BICC1: variants seen among roughly 807,000 people sequenced by gnomAD.
BICC1 encodes protein bicaudal C homolog 1.
A neutral mutation model predicts 111.0 loss-of-function variants in BICC1; 43 were observed. The observed-to-expected ratio is 0.39, with a 90% CI of 0.30 to 0.50. The LOEUF is 0.50. Among genes scored for constraint, BICC1 ranks in the 20% least tolerant of loss-of-function variants. The pLI is 0.88. For synonymous variants in BICC1, 467 were observed against 434.4 expected (o/e 1.07, Z -0.93); for missense variants, 1,091 against 1,203.2 (o/e 0.91, Z 1.38).
intron 2 of BICC1, among the ~76,000 whole-genome samples, chr10:58,700,628 T>C (rs919576741): frequency 3.3e-5 from 5 of 152,078 alleles, no homozygotes; most frequent in Non-Finnish European, 5.9e-5. Flanking sequence ...GAGACATAAG[T>C]GTAGAGAAAT....
intron 3 of BICC1, among the ~76,000 whole-genome samples, chr10:58,725,346 A>G (rs946440762): frequency 1.3e-5 from 2 of 152,012 alleles, no homozygotes; most frequent in Middle Eastern, 3.2e-3. Flanking sequence ...ACAATTCCCA[A>G]CTGCAGACTC....
chr10:58,675,204 A>G (rs1468587814), intron 2 of BICC1, among the ~76,000 whole-genome samples: 2 of 152,170 alleles, frequency 1.3e-5, no homozygotes, highest in African/African-American at 4.8e-5. Flanking sequence ...TTGAACACAG[A>G]TATCTGAGGA....
intron 1 of BICC1, among the ~76,000 whole-genome samples, chr10:58,615,733 T>C (rs1845581270): frequency 6.6e-6 from 1 of 152,064 alleles, no homozygotes; most frequent in Admixed American, 6.5e-5. Flanking sequence ...GAGCCTTCGG[T>C]CCCCACTGAT....
intron 1 of BICC1, among the ~76,000 whole-genome samples, chr10:58,607,014 T>C (rs190361787): frequency 1.3e-5 from 2 of 152,324 alleles, no homozygotes; most frequent in Non-Finnish European, 2.9e-5. Context: ...GTTCTCTAAA[T>C]GTTTCTCTTT....
At chr10:58,608,179 G>T (rs777954197) in intron 1 of BICC1, among the ~76,000 whole-genome samples, 1 of 151,782 alleles carries the variant, frequency 6.6e-6, no homozygotes, top group African/African-American at 2.4e-5. Context: ...TTTTCCTCCC[G>T]CATTCTATAA....
intron 1 of BICC1, among the ~76,000 whole-genome samples, chr10:58,617,623 T>C (rs1233270549): frequency 6.6e-6 from 1 of 152,252 alleles, no homozygotes; most frequent in East Asian, 1.9e-4. Context: ...ACAAAGTAGC[T>C]AATGGGCTGA....
chr10:58,516,811 A>G (rs1842254034), intron 1 of BICC1, among the ~76,000 whole-genome samples: 1 of 152,172 alleles, frequency 6.6e-6, no homozygotes, highest in African/African-American at 2.4e-5. Flanking sequence ...AATTAACTCA[A>G]AGTTATAAGT....
intron 1 of BICC1, among the ~76,000 whole-genome samples, chr10:58,545,844 C>T (rs1306565536): frequency 6.6e-6 from 1 of 152,062 alleles, no homozygotes; most frequent in Non-Finnish European, 1.5e-5. Flanking sequence ...CCTGAACAAC[C>T]CAAACTCCTG....
At chr10:58,785,321 C>T (rs1337635435) in intron 4 of BICC1, among the ~76,000 whole-genome samples, 1 of 152,088 alleles carries the variant, frequency 6.6e-6, no homozygotes, top group Non-Finnish European at 1.5e-5. Context: ...CCTACATCTA[C>T]ATACATATAT....
At chr10:58,728,902 T>G (rs1841199319) in intron 3 of BICC1, among the ~76,000 whole-genome samples, 1 of 152,178 alleles carries the variant, frequency 6.6e-6, no homozygotes, top group African/African-American at 2.4e-5. Flanking sequence ...AATCTTTTTT[T>G]TCTGAGCAGT....
chr10:58,675,222 G>C (rs1397805663), intron 2 of BICC1, among the ~76,000 whole-genome samples: 3 of 152,138 alleles, frequency 2.0e-5, no homozygotes, highest in Non-Finnish European at 4.4e-5. Context: ...GGAGAGCATG[G>C]AAATCAAAAG....
chr10:58,812,598 C>A (rs1261558130), intron 17 of BICC1, among the ~76,000 whole-genome samples: 1 of 151,878 alleles, frequency 6.6e-6, no homozygotes, highest in African/African-American at 2.4e-5. Context: ...CTGCCTCAGC[C>A]TCCTAAGTAG....
chr10:58,785,434 T>C (rs1016351549), intron 4 of BICC1, among the ~76,000 whole-genome samples: 7 of 152,092 alleles, frequency 4.6e-5, no homozygotes, highest in African/African-American at 1.4e-4. Flanking sequence ...ATAAGGATTG[T>C]AGGAATTAGA....
Position 58,800,335 on chromosome 10 carries a change from C to G in BICC1, c.1858+9C>G, listed in dbSNP as rs1364274791. Reference sequence around the variant, plus strand: ...ATCAAGCCCCACTGAAGGTCGGGAACTGTACCCTTCTGAAATTCATTTTGG... The same window carrying G: ...ATCAAGCCCCACTGAAGGTCGGGAAGTGTACCCTTCTGAAATTCATTTTGG... On this transcript the variant is annotated intron_variant, in intron 13 of 20. Coordinates refer to ENST00000373886, the MANE Select transcript of BICC1 (RefSeq NM_001080512.3). 4 of 1,610,524 alleles carry G rather than the reference C, an allele frequency of 2.5e-6. No individual in the cohort carries two copies. The highest frequency in any genetic ancestry group is 3.4e-6 in the Non-Finnish European group (4 of 1,178,420).
intron 1 of BICC1, among the ~76,000 whole-genome samples, chr10:58,582,089 C>T (rs1424206225): frequency 1.3e-5 from 2 of 152,168 alleles, no homozygotes; most frequent in South Asian, 2.1e-4. Context: ...GAAGATTGCT[C>T]CTTCTTAGTA....
chr10:58,724,548 C>A (rs1035370205), intron 3 of BICC1, among the ~76,000 whole-genome samples: 1 of 152,178 alleles, frequency 6.6e-6, no homozygotes, highest in Non-Finnish European at 1.5e-5. Flanking sequence ...AAAGTTGTGA[C>A]CTGTGCCATC....
intron 1 of BICC1, among the ~76,000 whole-genome samples, chr10:58,601,829 T>C (rs1010932411): frequency 5.9e-5 from 9 of 152,212 alleles, no homozygotes; most frequent in African/African-American, 2.2e-4. Flanking sequence ...TAAAAAAGGA[T>C]GGATTCAAGG....
At chr10:58,804,893 C>G (rs1330450171) in intron 15 of BICC1, among the ~76,000 whole-genome samples, 1 of 152,190 alleles carries the variant, frequency 6.6e-6, no homozygotes, top group Non-Finnish European at 1.5e-5. Flanking sequence ...TGAAAATGAT[C>G]TGTATCTCCT....
intron 3 of BICC1, among the ~76,000 whole-genome samples, chr10:58,734,568 G>C (rs376717582): frequency 3.3e-5 from 5 of 152,152 alleles, no homozygotes; most frequent in East Asian, 1.9e-4. Context: ...GAAGTGAATT[G>C]AAAATACTTC....
Sources: gnomAD v4.1 joint callset for allele counts (sites outside exome capture counted in the v4.1 genomes callset) on GRCh38, gnomAD v4.1.1 for gene constraint, MANE v1.5 for transcripts, NCBI Gene and HGNC (gene_info 2026-07-23, HGNC 2026-07-21) for gene names.